The following SUPT3H variants were observed in gnomAD, a reference collection of about 807,000 sequenced individuals.
The protein encoded by SUPT3H is SPT3 homolog, SAGA and STAGA complex component, also known as transcription initiation protein SPT3 homolog.
A neutral mutation model predicts 44.3 loss-of-function variants in SUPT3H; 44 were observed. That is an observed-to-expected ratio of 0.99 (90% CI 0.78 to 1.28). The LOEUF is 1.28. SUPT3H is among the 50% of genes most tolerant of loss of function. The pLI, the probability that SUPT3H is intolerant of heterozygous loss-of-function variation, is 0.00. For missense variants in SUPT3H, 380 were observed against 387.1 expected (o/e 0.98, Z 0.15); for synonymous variants, 124 against 125.6 (o/e 0.99, Z 0.09).
chr6:45,273,658 A>G (rs1303088156), intron 2 of SUPT3H, among the ~76,000 whole-genome samples: 1 of 152,238 alleles, frequency 6.6e-6, no homozygotes, highest in African/African-American at 2.4e-5. Context: ...CCTTTTTATT[A>G]TCAAATAACA....
intron 3 of SUPT3H, among the ~76,000 whole-genome samples, chr6:45,069,035 C>T (rs1029909686): frequency 2.0e-5 from 3 of 151,494 alleles, no homozygotes; most frequent in East Asian, 1.9e-4. Flanking sequence ...ATAGCTTCCA[C>T]CTGTGATTCC....
intron 2 of SUPT3H, among the ~76,000 whole-genome samples, chr6:45,312,734 A>G (rs1482661136): frequency 6.6e-6 from 1 of 151,360 alleles, no homozygotes; most frequent in Non-Finnish European, 1.5e-5. Context: ...ACAGGTCAAC[A>G]AGACAGTCAA....
chr6:44,988,734 A>G (rs1780182061), intron 6 of SUPT3H, among the ~76,000 whole-genome samples: 1 of 152,060 alleles, frequency 6.6e-6, no homozygotes, highest in African/African-American at 2.4e-5. Context: ...ATGGTTTTTA[A>G]CATGTATTTG....
At chr6:45,105,881 T>C (rs767289770) in intron 3 of SUPT3H, 41 bp downstream of exon 3, 1 of 1,469,474 alleles carries the variant, frequency 6.8e-7, no homozygotes. Context: ...AATAAAAGAA[T>C]GCAGAGAAGA....
chr6:45,222,659 A>C (rs573720421), intron 2 of SUPT3H, among the ~76,000 whole-genome samples: 1 of 152,270 alleles, frequency 6.6e-6, no homozygotes, highest in African/African-American at 2.4e-5. Flanking sequence ...TTAAACACAC[A>C]ATTACCATAA....
intron 10 of SUPT3H, among the ~76,000 whole-genome samples, chr6:44,831,075 C>A (rs909884407): frequency 3.3e-5 from 5 of 152,132 alleles, no homozygotes; most frequent in Admixed American, 6.5e-5. Flanking sequence ...TTCTAGATAA[C>A]CTTCTCTTAA....
intron 2 of SUPT3H, among the ~76,000 whole-genome samples, chr6:45,307,922 T>C (rs970423130): frequency 6.6e-6 from 1 of 152,140 alleles, no homozygotes; most frequent in Non-Finnish European, 1.5e-5. Context: ...AAGGACCTGA[T>C]GGAGCTGAAA....
At chr6:45,014,715 C>T in intron 5 of SUPT3H, 86 bp downstream of exon 5, 4 of 840,638 alleles carry the variant, frequency 4.8e-6, no homozygotes, top group Non-Finnish European at 5.2e-6. Context: ...ACTAGTTCTC[C>T]AGTTACATTG....
chr6:45,255,418 G>GT (rs11394172), intron 2 of SUPT3H, among the ~76,000 whole-genome samples: 80,256 of 116,184 alleles, frequency 0.69, 28,865 homozygotes, highest in Non-Finnish European at 0.78. Context: ...CCTATAATAG[G>GT]TTTTTTTTTT....
intron 3 of SUPT3H, among the ~76,000 whole-genome samples, chr6:45,065,679 C>G (rs1256925731): frequency 6.6e-6 from 1 of 151,108 alleles, no homozygotes; most frequent in Non-Finnish European, 1.5e-5. Context: ...ATACTACAAA[C>G]ACCTCTACGC....
chr6:45,308,904 A>C (rs1783531962), intron 2 of SUPT3H, among the ~76,000 whole-genome samples: 2 of 152,074 alleles, frequency 1.3e-5, no homozygotes, highest in African/African-American at 4.8e-5. Context: ...ATTTTGAATA[A>C]GAAGAAAAAT....
chr6:45,065,543 C>A (rs1583344078), intron 3 of SUPT3H, among the ~76,000 whole-genome samples: 1 of 151,386 alleles, frequency 6.6e-6, no homozygotes, highest in Admixed American at 6.6e-5. Flanking sequence ...AAAGGATCAA[C>A]AAAATTGATA....
chr6:44,843,157 G>A (rs945180004), intron 10 of SUPT3H, among the ~76,000 whole-genome samples: 7 of 151,918 alleles, frequency 4.6e-5, no homozygotes, highest in Admixed American at 1.3e-4. Context: ...GTTTTATATC[G>A]GTGCTTTAAG....
chr6:45,111,009 A>C (rs1195581123), intron 2 of SUPT3H, among the ~76,000 whole-genome samples: 5 of 151,388 alleles, frequency 3.3e-5, no homozygotes, highest in Admixed American at 6.6e-5. Flanking sequence ...ATATCAAAGG[A>C]GGTAAGAAAT....
chr6:45,267,735 G>A (rs1289847225), intron 2 of SUPT3H, among the ~76,000 whole-genome samples: 1 of 152,114 alleles, frequency 6.6e-6, no homozygotes, highest in Non-Finnish European at 1.5e-5. Flanking sequence ...GTGACAAAAT[G>A]TGCCAGTTAA....
chr6:44,889,299 G>T lies in SUPT3H; in HGVS notation c.912+43354C>A, dbSNP rs141098557. On this transcript the variant is annotated intron_variant, in intron 10 of 10. Coordinates refer to ENST00000371459, the MANE Select transcript of SUPT3H (RefSeq NM_003599.4). ...TTCATATGGAACCAAAACAGAGCCC[G>T]CATCACCAAGTCAATCCTAAGCCAA... Among the ~76,000 whole-genome samples, 97 of 152,084 alleles carry T rather than the reference G, an allele frequency of 6.4e-4. 6 individuals are homozygous for T. The highest frequency in any genetic ancestry group is 2.4e-4 in the Non-Finnish European group (16 of 68,032).
intron 10 of SUPT3H, among the ~76,000 whole-genome samples, chr6:44,906,518 C>G (rs555733617): frequency 9.2e-5 from 14 of 152,164 alleles, no homozygotes; most frequent in Admixed American, 3.3e-4. Context: ...AATCGCAGCG[C>G]TTTGGGAGGC....
At chr6:44,942,534 T>C (rs1484007459) in intron 9 of SUPT3H, among the ~76,000 whole-genome samples, 1 of 151,944 alleles carries the variant, frequency 6.6e-6, no homozygotes, top group Non-Finnish European at 1.5e-5. Context: ...AGAAAGGAAA[T>C]CCCCAAAGGG....
At chr6:44,903,031 G>C (rs1765362255) in intron 10 of SUPT3H, among the ~76,000 whole-genome samples, 1 of 152,078 alleles carries the variant, frequency 6.6e-6, no homozygotes, top group South Asian at 2.1e-4. Flanking sequence ...ATTCAAAGCA[G>C]TGTGTAGAGG....
Sources: gnomAD v4.1 joint callset for allele counts (sites outside exome capture counted in the v4.1 genomes callset) on GRCh38, gnomAD v4.1.1 for gene constraint, MANE v1.5 for transcripts, NCBI Gene and HGNC (gene_info 2026-07-23, HGNC 2026-07-21) for gene names.